Variants in DNAH6 observed in about 807,000 individuals in gnomAD.
DNAH6 encodes the protein axonemal beta dynein heavy chain 6.
In DNAH6, 340 loss-of-function variants were observed where a neutral mutation model predicts 491.4. The observed-to-expected ratio is 0.69, with a 90% CI of 0.63 to 0.76. DNAH6 has a LOEUF of 0.76. Among genes scored for constraint, DNAH6 ranks in the 30% least tolerant of loss-of-function variants. The pLI is 0.00. For synonymous variants in DNAH6, 1,603 were observed against 1,686.1 expected (o/e 0.95, Z 1.21); for missense variants, 4,443 against 4,972.2 (o/e 0.89, Z 3.20).
intron 2 of DNAH6, 75 bp downstream of exon 2, chr2:84,518,126 C>G: frequency 2.8e-6 from 3 of 1,071,240 alleles, no homozygotes; most frequent in Non-Finnish European, 4.0e-6. Context: ...GGATAGAAGT[C>G]ATGTCCAGAC....
At chr2:84,731,279 G>T (rs1402776512) in intron 61 of DNAH6, among the ~76,000 whole-genome samples, 3 of 152,168 alleles carry the variant, frequency 2.0e-5, no homozygotes, top group African/African-American at 7.2e-5. Context: ...GGACAAGACA[G>T]CAGCATTTCT....
intron 29 of DNAH6, among the ~76,000 whole-genome samples, chr2:84,631,262 A>T (rs963330459): frequency 6.6e-6 from 1 of 152,148 alleles, no homozygotes; most frequent in African/African-American, 2.4e-5. Flanking sequence ...CACAAAAAAT[A>T]ATCTAATATC....
intron 29 of DNAH6, among the ~76,000 whole-genome samples, chr2:84,626,698 G>C (rs1687894445): frequency 6.6e-6 from 1 of 152,128 alleles, no homozygotes; most frequent in African/African-American, 2.4e-5. Flanking sequence ...TGCCTCCCGG[G>C]TTCAAGCAGT....
intron 63 of DNAH6, among the ~76,000 whole-genome samples, chr2:84,754,161 G>C (rs1445052006): frequency 6.6e-6 from 1 of 151,230 alleles, no homozygotes; most frequent in Admixed American, 6.6e-5. Context: ...TGTGAAGTAA[G>C]AGTCCAACAT....
intron 70 of DNAH6, among the ~76,000 whole-genome samples, chr2:84,800,325 C>T (rs1678770688): frequency 6.6e-6 from 1 of 152,184 alleles, no homozygotes; most frequent in Non-Finnish European, 1.5e-5. Flanking sequence ...GAAATCAGCA[C>T]AAGAACTTCA....
intron 18 of DNAH6, among the ~76,000 whole-genome samples, chr2:84,598,188 T>TTTC (rs1553438141): frequency 3.8e-5 from 5 of 132,930 alleles, no homozygotes; most frequent in African/African-American, 1.5e-4. Context: ...TCTCTCTTTC[T>TTTC]TTTCTTTCTT....
chr2:84,697,887 G>A, intron 47 of DNAH6, 160 bp downstream of exon 47: 1 of 753,990 alleles, frequency 1.3e-6, no homozygotes, highest in Non-Finnish European at 2.1e-6. Flanking sequence ...GGTGTTTAAA[G>A]CATTGGGTCA....
intron 64 of DNAH6, among the ~76,000 whole-genome samples, chr2:84,771,153 T>G (rs959131478): frequency 7.2e-5 from 11 of 152,036 alleles, no homozygotes; most frequent in Non-Finnish European, 1.0e-4. Flanking sequence ...CCGGGTGTAG[T>G]GGTGTATGCC....
chr2:84,607,113 T>C lies in DNAH6; in HGVS notation c.3294+18T>C, dbSNP rs4441485. 0.9 allele frequency: 1,399,991 copies of C among 1,548,718 alleles called. 638,106 individuals carry two copies. The highest frequency in any genetic ancestry group is 0.98 in the East Asian group (40,031 of 40,884). On this transcript the variant is annotated intron_variant, in intron 21 of 76. Coordinates refer to ENST00000389394, the MANE Select transcript of DNAH6 (RefSeq NM_001370.2). ...AAACACTGGTGAGTAAGAATAATTT[T>C]GATTCATACACTCAGAGAATTGGAG...
Position 84,701,326 on chromosome 2 carries a change from A to C in DNAH6, c.8048A>C (p.Lys2683Thr), listed in dbSNP as rs1445686737. ...LYLSMLSEKR[K>T]QIISARDRVK... Reference sequence around the variant, plus strand: ...CTGTCTATGCTGTCTGAAAAAAGGAAGCAGATTATTTCAGTAGGTTCAATA... The same window carrying C: ...CTGTCTATGCTGTCTGAAAAAAGGACGCAGATTATTTCAGTAGGTTCAATA... Residue 2683 changes from lysine (K) to threonine (T), a missense_variant, in exon 49 of 77, where the codon AAG becomes ACG. By Grantham distance (78) the Lys-to-Thr change is moderately conservative (BLOSUM62 -1). Around this residue, in one of 3 missense-constraint regions of DNAH6, gnomAD observed 2,977 missense variants for 3,296.6 expected, o/e 0.90. Transcript: ENST00000389394. 6.5e-7 allele frequency: 1 copy of C among 1,549,590 alleles called. No individual in the cohort carries two copies. Among genetic ancestry groups the C allele is most frequent in the Admixed American group, 2.0e-5 (1 of 50,812 alleles).
At position 84,683,499 on chromosome 2, in the gene DNAH6, T is replaced by G. The variant is rs544963761; in HGVS notation, c.6917-1827T>G. Among the ~76,000 whole-genome samples, 18 of 147,184 alleles carry G rather than the reference T, an allele frequency of 1.2e-4. No homozygotes were observed. In the East Asian group the frequency reaches 3.2e-3, roughly 26 times the overall value. The stretch of plus-strand genomic sequence containing the variant: ...GTGCAGTGGCGTGATCTCGGCTCAC[T>G]GCAACCTCCGCCTCCTGGGTTCAAG... On this transcript the variant is annotated intron_variant, in intron 42 of 76. Coordinates refer to ENST00000389394, the MANE Select transcript of DNAH6 (RefSeq NM_001370.2).
the DNAH6 span, among the ~76,000 whole-genome samples, chr2:84,495,471 CT>C: frequency 6.6e-6 from 1 of 152,180 alleles, no homozygotes; most frequent in African/African-American, 2.4e-5. Context: ...CCTCTTTGAC[CT>C]TTTCAAATCA....
chr2:84,573,389 T>C (rs1388540099), intron 11 of DNAH6, 78 bp from the exon 12 acceptor site: 6 of 1,250,276 alleles, frequency 4.8e-6, no homozygotes, highest in Non-Finnish European at 6.7e-6. Flanking sequence ...CTTGCTTGTT[T>C]CTTTGTTTAG....
chr2:84,632,384 C>G (rs768802635), intron 29 of DNAH6, among the ~76,000 whole-genome samples: 1 of 152,148 alleles, frequency 6.6e-6, no homozygotes, highest in Non-Finnish European at 1.5e-5. Flanking sequence ...GCACAAACTG[C>G]AGAGCCAGGA....
intron 63 of DNAH6, among the ~76,000 whole-genome samples, chr2:84,750,369 G>T (rs1387850797): frequency 1.3e-5 from 2 of 152,032 alleles, no homozygotes; most frequent in East Asian, 3.9e-4. Context: ...TCTTTTTGTA[G>T]AAATGGGGTT....
rs1336616627 is a variant in DNAH6, at chr2:84,718,300, A to G, written c.9708A>G (p.Glu3236=). ...NTDKNQLKTI[E]EKILRMLFTS... is the part of the protein sequence containing the mutation. ...ATAAAAACCAGTTGAAAACTATCGA[A>G]GAGAAAATCCTGAGAATGCTCTTTA... The change falls in exon 59 of 77, where the codon GAA becomes GAG. Residue 3236 remains glutamate (E), a synonymous_variant. Transcript: ENST00000389394. 2 of 1,551,484 alleles carry G rather than the reference A, an allele frequency of 1.3e-6. No homozygotes were observed. The highest frequency in any genetic ancestry group is 2.0e-5 in the Admixed American group (1 of 50,964).
intron 64 of DNAH6, among the ~76,000 whole-genome samples, chr2:84,767,093 A>C (rs113073689): frequency 5.9e-5 from 9 of 152,322 alleles, no homozygotes; most frequent in African/African-American, 1.7e-4. Flanking sequence ...CAAGAAAAAC[A>C]GTGTCTATTA....
the DNAH6 span, among the ~76,000 whole-genome samples, chr2:84,463,327 G>A: frequency 2.0e-5 from 3 of 152,202 alleles, no homozygotes; most frequent in African/African-American, 4.8e-5. Flanking sequence ...CTGGGAGGGA[G>A]GGAGGAGCTT....
chr2:84,670,596 G>A, intron 39 of DNAH6, 121 bp downstream of exon 39: 1 of 763,164 alleles, frequency 1.3e-6, no homozygotes. Flanking sequence ...ACTTGTAAAG[G>A]TGATTCTGTT....
Sources: gnomAD v4.1 joint callset for allele counts (sites outside exome capture counted in the v4.1 genomes callset) on GRCh38, gnomAD v4.1.1 for gene constraint, gnomAD v4.1.1 regional missense constraint, MANE v1.5 for transcripts, NCBI Gene and HGNC (gene_info 2026-07-23, HGNC 2026-07-21) for gene names.